The following FRAS1 variants were observed in gnomAD, a reference collection of about 807,000 sequenced individuals.
The protein encoded by FRAS1 is extracellular matrix organizing protein FRAS1.
A neutral mutation model predicts 435.2 loss-of-function variants in FRAS1; 290 were observed. The ratio of observed to expected loss-of-function variants is 0.67; its 90% CI spans 0.61 to 0.73. FRAS1 has a LOEUF of 0.73. FRAS1 is among the 30% of genes least tolerant of loss of function. The pLI is 0.00. For synonymous variants in FRAS1, 1,800 were observed against 1,851.0 expected, an observed-to-expected ratio of 0.97 and a Z score of 0.71; for missense variants, 4,860 against 5,001.5, an observed-to-expected ratio of 0.97 and a Z score of 0.85.
At chr4:78,117,619 G>A (rs180886538) in intron 2 of FRAS1, among the ~76,000 whole-genome samples, 28 of 152,138 alleles carry the variant, frequency 1.8e-4, no homozygotes, top group East Asian at 1.2e-3. Context: ...CTAGTTGATC[G>A]AATCAGCTAC....
rs559602357 is a variant in FRAS1 at position 78,479,715 on chromosome 4, G to A, written c.8440G>A (p.Ala2814Thr). ...GNTAFTVSED[A>T]GTVKIPVIRH... ...CACGGCTTTCACTGTCAGTGAGGAC[G>A]CAGGTAATGGAGAGTGTCTCTGAGT... Residue 2814 changes from alanine to threonine, a missense_variant, in exon 56 of 74, where the codon GCA (alanine) becomes ACA (threonine). Physicochemically the swap from Ala to Thr is moderately conservative, Grantham distance 58 (BLOSUM62 0). Coordinates refer to ENST00000512123, the MANE Select transcript of FRAS1 (RefSeq NM_025074.7). 189 of 1,574,770 alleles carry A rather than the reference G, an allele frequency of 1.2e-4. 2 individuals carry two copies. The South Asian group carries it at 2.0e-3, about 16-fold the overall frequency.
rs759426504 is a variant in FRAS1, at chr4:78,475,611, G to T, written c.7851+5G>T. ...TATGTAGAGTATGCTGGCCAGGTAG[G>T]TGGGGTAGTGGGGTTGGGGGAGGCT... On this transcript the variant is annotated splice_donor_5th_base_variant and intron_variant, in intron 54 of 73. Coordinates refer to ENST00000512123, the MANE Select transcript of FRAS1 (RefSeq NM_025074.7). 1 of 1,545,634 alleles carries T rather than the reference G, an allele frequency of 6.5e-7. No homozygotes were observed. The highest frequency in any genetic ancestry group is 1.3e-5 in the South Asian group (1 of 79,452).
intron 3 of FRAS1, among the ~76,000 whole-genome samples, chr4:78,242,920 C>G (rs1223063132): frequency 2.0e-5 from 3 of 152,014 alleles, no homozygotes; most frequent in African/African-American, 7.2e-5. Flanking sequence ...ATCTTATATT[C>G]ATATAGAATA....
Position 78,482,420 on chromosome 4 carries a change from G to A in FRAS1, c.8637G>A (p.Gln2879=), listed in dbSNP as rs1207252878. Residue 2879 remains glutamine (Q), a synonymous_variant, in exon 58 of 74, where the codon CAG becomes CAA. Coordinates refer to ENST00000512123, the MANE Select transcript of FRAS1 (RefSeq NM_025074.7). ...CCTTGACTATCTTGGATGACACTCA[G>A]TATCCGGTAATTGAAGGACTGGAGA... ...YCTLTILDDT[Q]YPVIEGLETF... 2 of 1,613,870 alleles carry A rather than the reference G, an allele frequency of 1.2e-6. No homozygotes were observed. Among genetic ancestry groups the A allele is most frequent in the Non-Finnish European group, 1.7e-6 (2 of 1,179,806 alleles).
intron 2 of FRAS1, among the ~76,000 whole-genome samples, chr4:78,168,214 G>T (rs1457690621): frequency 5.9e-5 from 9 of 151,904 alleles, no homozygotes; most frequent in Admixed American, 5.9e-4. Flanking sequence ...AATGCCCTTT[G>T]TAGAGCTCCT....
At chr4:78,376,117 A>C (rs957806793) in intron 26 of FRAS1, among the ~76,000 whole-genome samples, 8 of 152,362 alleles carry the variant, frequency 5.3e-5, no homozygotes, top group East Asian at 3.9e-4. Flanking sequence ...AGTCACAGCT[A>C]TCAGATAAGA....
chr4:78,389,766 A>G (rs1391155082), intron 29 of FRAS1, among the ~76,000 whole-genome samples: 1 of 152,160 alleles, frequency 6.6e-6, no homozygotes, highest in Non-Finnish European at 1.5e-5. Flanking sequence ...GTGTTGCACA[A>G]CCATTTTGTG....
intron 18 of FRAS1, chr4:78,319,691 C>G (rs1729422914): frequency 4.2e-6 from 1 of 238,260 alleles, no homozygotes; most frequent in African/African-American, 2.2e-5. Context: ...GTTATAATAT[C>G]TGAGTCTTTT....
chr4:78,293,901 GAACAA>G (rs1191149251), intron 14 of FRAS1, among the ~76,000 whole-genome samples: 1 of 152,160 alleles, frequency 6.6e-6, no homozygotes, highest in Admixed American at 6.5e-5. Flanking sequence ...ACAAATGACA[GAACAA>G]AAGTATCACA....
chr4:78,144,660 T>C (rs972818917), intron 2 of FRAS1, among the ~76,000 whole-genome samples: 3 of 152,202 alleles, frequency 2.0e-5, no homozygotes, highest in Non-Finnish European at 2.9e-5. Context: ...TATTGTTCTA[T>C]GTTTTTGAGC....
At chr4:78,286,840 A>G (rs144903452) in intron 14 of FRAS1, among the ~76,000 whole-genome samples, 7 of 152,322 alleles carry the variant, frequency 4.6e-5, no homozygotes, top group Non-Finnish European at 1.0e-4. Context: ...ATATCATAAT[A>G]GTCTCTTGAG....
intron 1 of FRAS1, among the ~76,000 whole-genome samples, chr4:78,061,822 C>T (rs1292449078): frequency 1.9e-4 from 29 of 152,156 alleles, no homozygotes. Context: ...CTCCTGCGCT[C>T]AAGGAGTTTG....
intron 2 of FRAS1, among the ~76,000 whole-genome samples, chr4:78,224,601 T>C (rs942792097): frequency 6.6e-6 from 1 of 152,142 alleles, no homozygotes; most frequent in African/African-American, 2.4e-5. Flanking sequence ...ACTGTGATCA[T>C]GGCTCACTGC....
intron 34 of FRAS1, among the ~76,000 whole-genome samples, chr4:78,422,836 G>T (rs934202648): frequency 5.9e-5 from 9 of 152,210 alleles, no homozygotes; most frequent in Admixed American, 5.9e-4. Context: ...TAGGGTAAGG[G>T]GAGGCCAGTG....
At chr4:78,458,867 A>G (rs1719284621) in intron 47 of FRAS1, among the ~76,000 whole-genome samples, 1 of 152,232 alleles carries the variant, frequency 6.6e-6, no homozygotes, top group Non-Finnish European at 1.5e-5. Flanking sequence ...AAAAAATACA[A>G]TGAAATAAGG....
intron 14 of FRAS1, among the ~76,000 whole-genome samples, chr4:78,301,776 G>A (rs556488984): frequency 4.2e-4 from 63 of 150,498 alleles, no homozygotes; most frequent in Non-Finnish European, 8.0e-4. Flanking sequence ...TTTCTCAAAA[G>A]CTTCTGATCT....
At chr4:78,265,223 G>A in intron 7 of FRAS1, 115 bp downstream of exon 7, 1 of 618,448 alleles carries the variant, frequency 1.6e-6, no homozygotes, top group Non-Finnish European at 2.8e-6. Context: ...GCCAGGAATA[G>A]TAACTCAGTA....
chr4:78,449,956 T>C (rs1450046929), intron 44 of FRAS1, among the ~76,000 whole-genome samples, 195 bp from the exon 45 acceptor site: 1 of 151,612 alleles, frequency 6.6e-6, no homozygotes, highest in African/African-American at 2.4e-5. Flanking sequence ...AAGGGAAAAT[T>C]AGTAAATTGA....
chr4:78,475,395 C>T (rs1456866525), intron 53 of FRAS1, 43 bp from the exon 54 acceptor site: 1 of 1,610,114 alleles, frequency 6.2e-7, no homozygotes, highest in Non-Finnish European at 8.5e-7. Context: ...TTTTTCATAA[C>T]CATGGGGCAT....
Sources: allele counts gnomAD v4.1 joint callset (sites outside exome capture counted in the v4.1 genomes callset), GRCh38; gene constraint gnomAD v4.1.1; transcripts MANE v1.5; gene names NCBI Gene and HGNC (gene_info 2026-07-23, HGNC 2026-07-21).